Variants in GABRB2 observed in about 807,000 individuals in gnomAD.
The protein encoded by GABRB2 is gamma-aminobutyric acid receptor subunit beta-2.
GABRB2 carries 16 observed loss-of-function variants against 54.7 expected under a neutral mutation model. The observed-to-expected ratio is 0.29, with a 90% CI of 0.20 to 0.44. The LOEUF is 0.44. GABRB2 is among the 20% of genes least tolerant of loss of function. GABRB2 has a pLI of 1.00. For synonymous variants in GABRB2, 244 were observed against 233.8 expected (o/e 1.04, Z -0.40); for missense variants, 355 against 644.0 (o/e 0.55, Z 4.86).
intron 4 of GABRB2, among the ~76,000 whole-genome samples, chr5:161,446,267 C>T (rs1292456422): frequency 6.6e-6 from 1 of 152,024 alleles, no homozygotes; most frequent in Admixed American, 6.6e-5. Context: ...CAGGACTTGA[C>T]TGGATGGATT....
chr5:161,409,829 T>C (rs761853178), intron 5 of GABRB2, among the ~76,000 whole-genome samples: 19 of 152,176 alleles, frequency 1.2e-4, no homozygotes, highest in Non-Finnish European at 2.4e-4. Context: ...AAGTTAATAA[T>C]TGAAATCCTA....
intron 9 of GABRB2, among the ~76,000 whole-genome samples, chr5:161,308,250 C>T (rs1757759072): frequency 6.6e-6 from 1 of 152,162 alleles, no homozygotes. Context: ...TTGAGACTGA[C>T]CCCCTGTTTA....
intron 5 of GABRB2, among the ~76,000 whole-genome samples, chr5:161,383,758 C>A (rs755130267): frequency 7.2e-5 from 11 of 152,198 alleles, no homozygotes; most frequent in East Asian, 3.9e-4. Context: ...AACCAAATCC[C>A]AGGCAATATC....
At chr5:161,492,509 G>T (rs547374384) in intron 3 of GABRB2, among the ~76,000 whole-genome samples, 1 of 151,716 alleles carries the variant, frequency 6.6e-6, no homozygotes, top group African/African-American at 2.4e-5. Context: ...GGCTACCAGG[G>T]TCTAATGACT....
At chr5:161,306,371 C>T (rs1415300653) in intron 9 of GABRB2, among the ~76,000 whole-genome samples, 2 of 152,230 alleles carry the variant, frequency 1.3e-5, no homozygotes, top group African/African-American at 2.4e-5. Context: ...AGAGACTTCA[C>T]AAACCCCATC....
In GABRB2 at chr5:161,336,814, C is replaced by CA. The variant is rs559725109; in HGVS notation, c.542-46dup. On this transcript the variant is annotated intron_variant, in intron 5 of 9. Coordinates refer to ENST00000393959, the MANE Select transcript of GABRB2 (RefSeq NM_001371727.1). ...CACACACACACACAAATACAGAAAA[C>CA]AAAAAAAAAAAAACAGACAAAACAG... 196,331 of 1,004,652 alleles carry CA rather than the reference C, an allele frequency of 0.2. 1,036 individuals carry two copies. The highest frequency in any genetic ancestry group is 0.21 in the Middle Eastern group (795 of 3,756). 62.2% of individuals were successfully genotyped at this position (1,004,652 alleles called of 1,614,324 possible). A position where few individuals can be genotyped will look rare whatever the true frequency, so the allele number is the denominator to read the frequency against.
intron 3 of GABRB2, among the ~76,000 whole-genome samples, chr5:161,507,669 A>T (rs1175836409): frequency 6.6e-6 from 1 of 152,042 alleles, no homozygotes; most frequent in Non-Finnish European, 1.5e-5. Context: ...GTGACACACA[A>T]CTCAATTAAA....
intron 5 of GABRB2, among the ~76,000 whole-genome samples, chr5:161,386,142 G>A (rs1456336641): frequency 6.6e-6 from 1 of 151,990 alleles, no homozygotes; most frequent in Non-Finnish European, 1.5e-5. Flanking sequence ...ACCCATTTGA[G>A]GTTTGTATTT....
chr5:161,443,708 G>T (rs1397261192), intron 4 of GABRB2, among the ~76,000 whole-genome samples: 2 of 152,082 alleles, frequency 1.3e-5, no homozygotes, highest in Non-Finnish European at 2.9e-5. Context: ...TCATAGCTCT[G>T]CCCAGCCCCT....
intron 4 of GABRB2, among the ~76,000 whole-genome samples, chr5:161,438,681 G>A (rs1003118620): frequency 2.6e-5 from 4 of 151,950 alleles, no homozygotes; most frequent in African/African-American, 7.3e-5. Context: ...GAACTCTATC[G>A]GATGAATTTA....
chr5:161,411,805 A>C (rs1756523994), intron 4 of GABRB2, among the ~76,000 whole-genome samples: 1 of 151,690 alleles, frequency 6.6e-6, no homozygotes, highest in Admixed American at 6.6e-5. Context: ...AAATATATAC[A>C]TTTAGAGTTT....
At chr5:161,517,932 G>C (rs1283299132) in intron 3 of GABRB2, among the ~76,000 whole-genome samples, 1 of 151,982 alleles carries the variant, frequency 6.6e-6, no homozygotes, top group Non-Finnish European at 1.5e-5. Context: ...AAGTAACTGG[G>C]ACTACAGGCG....
intron 5 of GABRB2, among the ~76,000 whole-genome samples, chr5:161,362,782 C>T (rs556583096): frequency 6.6e-6 from 1 of 152,154 alleles, no homozygotes; most frequent in African/African-American, 2.4e-5. Flanking sequence ...AAAAAAAGCT[C>T]GTAGTCACTG....
chr5:161,311,852 C>A lies in GABRB2; in HGVS notation c.1191+14516G>T, dbSNP rs575425535. On this transcript the variant is annotated intron_variant, in intron 9 of 9. Transcript: ENST00000393959. ...ATGTTAAAGATGAAGAAGCACGGGGCTAGATAATATCTTAGATCCCTTAAA... is the reference window on the plus strand; with the variant it reads ...ATGTTAAAGATGAAGAAGCACGGGGATAGATAATATCTTAGATCCCTTAAA... Among the ~76,000 whole-genome samples the A allele has an allele frequency of 3.3e-5, 5 of 152,252 alleles. No individual in the cohort carries two copies. In the South Asian group the frequency reaches 8.3e-4, roughly 25 times the overall value.
chr5:161,404,098 G>T (rs951249483), intron 5 of GABRB2, among the ~76,000 whole-genome samples: 1 of 152,048 alleles, frequency 6.6e-6, no homozygotes, highest in South Asian at 2.1e-4. Context: ...CCAGATACAC[G>T]TCAAGGTCAG....
chr5:161,451,853 A>G (rs186714929), intron 4 of GABRB2, among the ~76,000 whole-genome samples: 87 of 152,292 alleles, frequency 5.7e-4, no homozygotes, highest in Admixed American at 2.0e-3. Context: ...AGGCATATAC[A>G]GCAAGACCAA....
chr5:161,341,971 A>ATATATATATG (rs1326417978), intron 5 of GABRB2, among the ~76,000 whole-genome samples: 3 of 26,638 alleles, frequency 1.1e-4, no homozygotes, highest in African/African-American at 2.1e-4. Flanking sequence ...ATATATATAC[A>ATATATATATG]TACTTTATTA....
intron 4 of GABRB2, among the ~76,000 whole-genome samples, chr5:161,439,865 G>C (rs1211188633): frequency 6.6e-6 from 1 of 151,916 alleles, no homozygotes; most frequent in Non-Finnish European, 1.5e-5. Flanking sequence ...ATAGCTAATG[G>C]ATGCTGGGCT....
intron 3 of GABRB2, among the ~76,000 whole-genome samples, chr5:161,522,986 T>C (rs991810707): frequency 1.3e-5 from 2 of 151,482 alleles, no homozygotes; most frequent in Non-Finnish European, 1.5e-5. Context: ...ATTTATTGAG[T>C]TTTAGTATGT....
Sources: gnomAD v4.1 joint callset for allele counts (sites outside exome capture counted in the v4.1 genomes callset) on GRCh38, gnomAD v4.1.1 for gene constraint, MANE v1.5 for transcripts, NCBI Gene and HGNC (gene_info 2026-07-23, HGNC 2026-07-21) for gene names.